Variants in RHAG observed in about 807,000 individuals in gnomAD.
RHAG encodes ammonium transporter Rh type A.
A neutral mutation model predicts 42.4 loss-of-function variants in RHAG; 25 were observed. The ratio of observed to expected loss-of-function variants is 0.59; its 90% CI spans 0.43 to 0.82. The LOEUF (loss-of-function observed/expected upper bound fraction) is 0.82. Among genes scored for constraint, RHAG ranks in the 40% least tolerant of loss-of-function variants. RHAG has a pLI of 0.00. For missense variants in RHAG, 483 were observed against 504.6 expected, an observed-to-expected ratio of 0.96 and a Z score of 0.41; for synonymous variants, 182 against 177.7, an observed-to-expected ratio of 1.02 and a Z score of -0.19.
intron 1 of RHAG, among the ~76,000 whole-genome samples, chr6:49,634,105 A>G (rs1762971929): frequency 6.6e-6 from 1 of 152,156 alleles, no homozygotes; most frequent in South Asian, 2.1e-4. Context: ...CACCTTGAAC[A>G]TTTATCATTT....
intron 1 of RHAG, among the ~76,000 whole-genome samples, chr6:49,634,980 T>TGTGTGTG (rs1562021949): frequency 2.0e-5 from 1 of 51,124 alleles, no homozygotes; most frequent in African/African-American, 8.2e-5. Context: ...GTGTGTGTGT[T>TGTGTGTG]TGTGTATACC....
chr6:49,620,545 G>T (rs190544484), intron 1 of RHAG, among the ~76,000 whole-genome samples: 152 of 151,944 alleles, frequency 1.0e-3, no homozygotes, highest in African/African-American at 3.5e-3. Flanking sequence ...CTTTTTTTGG[G>T]GGGGGAGACA....
At chr6:49,631,553 A>G (rs1762936731) in intron 1 of RHAG, among the ~76,000 whole-genome samples, 1 of 152,124 alleles carries the variant, frequency 6.6e-6, no homozygotes. Flanking sequence ...TTGATGCCCC[A>G]TTCAAGCAGG....
At chr6:49,634,131 A>G (rs1385842384) in intron 1 of RHAG, among the ~76,000 whole-genome samples, 1 of 152,174 alleles carries the variant, frequency 6.6e-6, no homozygotes, top group Non-Finnish European at 1.5e-5. Context: ...TATAAGAAAC[A>G]TTTCAAATCT....
At position 49,619,312 on chromosome 6, in the gene RHAG, T is replaced by C. The variant is rs1158856928; in HGVS notation, c.208A>G (p.Thr70Ala). Residue 70 changes from threonine (T) to alanine (A), a missense_variant, in exon 2 of 10, where the codon ACC becomes GCC. By Grantham distance (58) the Thr-to-Ala change is moderately conservative (BLOSUM62 0). Transcript: ENST00000371175. ...CTGAAGCCATATTTCTTCAGGAAGG[T>C]CATGAGGAAGCCAAACCCAACAAAT... ...MIFVGFGFLMTFLKKYGFSSV... is the reference protein window; with the variant it reads ...MIFVGFGFLMAFLKKYGFSSV... 1 of 1,613,966 alleles carries C rather than the reference T, an allele frequency of 6.2e-7. No individual in the cohort carries two copies. Among genetic ancestry groups the C allele is most frequent in the African/African-American group, 1.3e-5 (1 of 74,888 alleles).
intron 1 of RHAG, among the ~76,000 whole-genome samples, chr6:49,624,799 C>T (rs916911386): frequency 2.0e-5 from 3 of 152,118 alleles, no homozygotes; most frequent in Non-Finnish European, 4.4e-5. Context: ...TTTTGATATT[C>T]GTGTATATTA....
chr6:49,609,166 T>C (rs1191488872), intron 7 of RHAG, among the ~76,000 whole-genome samples: 1 of 152,208 alleles, frequency 6.6e-6, no homozygotes, highest in East Asian at 1.9e-4. Context: ...CAGTATTTTA[T>C]TTGGTGTGAG....
Position 49,605,727 on chromosome 6 carries a change from G to A in RHAG, c.*86C>T, listed in dbSNP as rs754807209. On this transcript the variant is annotated 3_prime_UTR_variant, in exon 10 of 10. Transcript: ENST00000371175. Reference sequence around the variant, plus strand: ...ATTTGGACTTGATTCTGGATAATGGGAAAGGAAGCTGGAGAGCAGGAATGG... The same window carrying A: ...ATTTGGACTTGATTCTGGATAATGGAAAAGGAAGCTGGAGAGCAGGAATGG... 5.7e-6 allele frequency: 7 copies of A among 1,229,822 alleles called. No individual in the cohort carries two copies. The highest frequency in any genetic ancestry group is 1.7e-5 in the Admixed American group (1 of 59,400). 76.2% of individuals were successfully genotyped at this position (1,229,822 alleles called of 1,614,324 possible).
chr6:49,607,588 T>C (rs1762495854), intron 7 of RHAG, among the ~76,000 whole-genome samples: 1 of 152,162 alleles, frequency 6.6e-6, no homozygotes, highest in South Asian at 2.1e-4. Context: ...GATAGAGTAA[T>C]ACATAAAACA....
chr6:49,610,818 AT>A (rs759304462), intron 7 of RHAG, among the ~76,000 whole-genome samples: 3 of 152,172 alleles, frequency 2.0e-5, no homozygotes, highest in Non-Finnish European at 4.4e-5. Flanking sequence ...AACACTGTTA[AT>A]TTTTTTAAAT....
At chr6:49,624,896 T>A (rs1762820195) in intron 1 of RHAG, among the ~76,000 whole-genome samples, 2 of 152,234 alleles carry the variant, frequency 1.3e-5, no homozygotes. Flanking sequence ...TTGCTATTAG[T>A]TGATGACATG....
At position 49,614,689 on chromosome 6, in the gene RHAG, T is replaced by C. The variant is rs1245831253; in HGVS notation, c.805A>G (p.Met269Val). 2 of 1,613,388 alleles carry C rather than the reference T, an allele frequency of 1.2e-6. No individual in the cohort carries two copies. The highest frequency in any genetic ancestry group is 1.7e-5 in the Admixed American group (1 of 59,994). The change falls in exon 5 of 10, where the codon ATG (methionine) becomes GTG (valine). Residue 269 changes from methionine (M) to valine (V), a missense_variant and splice_region_variant. Met to Val is a conservative substitution (Grantham distance 21). Transcript: ENST00000371175. ...SLVEHRGKLN[M>V]VHIQNATLAG... Reference sequence around the variant, plus strand: ...ATGAGGGCTAAGGCGGCACTTACCATGTTGAGCTTGCCTCGGTGCTCCACT... The same window carrying C: ...ATGAGGGCTAAGGCGGCACTTACCACGTTGAGCTTGCCTCGGTGCTCCACT...
intron 5 of RHAG, 108 bp from the exon 6 acceptor site, chr6:49,612,642 A>G (rs1458691926): frequency 1.5e-6 from 2 of 1,290,360 alleles, no homozygotes; most frequent in African/African-American, 2.9e-5. Context: ...TTCAGTTGAA[A>G]GGGCTATTGG....
intron 7 of RHAG, 57 bp downstream of exon 7, chr6:49,610,965 CAG>C: frequency 6.2e-7 from 1 of 1,606,794 alleles, no homozygotes. Flanking sequence ...TCCCATTTCT[CAG>C]AGTGAGAGAA....
chr6:49,626,113 C>T (rs1581948692), intron 1 of RHAG, among the ~76,000 whole-genome samples: 1 of 152,132 alleles, frequency 6.6e-6, no homozygotes, highest in Non-Finnish European at 1.5e-5. Flanking sequence ...TTCGCTCCAG[C>T]CCCTCCAAAA....
intron 1 of RHAG, among the ~76,000 whole-genome samples, chr6:49,633,908 T>G (rs1272098451): frequency 6.6e-6 from 1 of 152,186 alleles, no homozygotes; most frequent in Non-Finnish European, 1.5e-5. Context: ...TCTCCTTGTC[T>G]GCCTTTCCCT....
chr6:49,618,591 G>A (rs968482336), intron 2 of RHAG, among the ~76,000 whole-genome samples: 1 of 152,182 alleles, frequency 6.6e-6, no homozygotes, highest in Non-Finnish European at 1.5e-5. Context: ...TTTTATGGAA[G>A]AGGGTTTCTC....
chr6:49,635,736 T>C (rs945215316), intron 1 of RHAG, among the ~76,000 whole-genome samples: 3 of 152,290 alleles, frequency 2.0e-5, no homozygotes, highest in East Asian at 1.9e-4. Context: ...ACCCCCATCA[T>C]ATTAATTCCC....
At chr6:49,620,166 C>T (rs1001398210) in intron 1 of RHAG, among the ~76,000 whole-genome samples, 5 of 152,190 alleles carry the variant, frequency 3.3e-5, no homozygotes, top group South Asian at 2.1e-4. Context: ...AGTTCAATCA[C>T]ATGACTGTGT....
Sources: allele counts gnomAD v4.1 joint callset (sites outside exome capture counted in the v4.1 genomes callset), GRCh38; gene constraint gnomAD v4.1.1; transcripts MANE v1.5; gene names NCBI Gene and HGNC (gene_info 2026-07-23, HGNC 2026-07-21).